The following HABP2 variants were observed in gnomAD, a reference collection of about 807,000 sequenced individuals.
The protein encoded by HABP2 is factor VII-activating protease.
HABP2 carries 65 observed loss-of-function variants against 66.5 expected under a neutral mutation model. That is an observed-to-expected ratio of 0.98 (90% confidence interval 0.80 to 1.20). HABP2 has a LOEUF of 1.20. HABP2 is among the 50% of genes most tolerant of loss of function. HABP2 has a pLI of 0.00. For missense variants in HABP2, 786 were observed against 691.0 expected (o/e 1.14, Z -1.54); for synonymous variants, 263 against 253.9 (o/e 1.04, Z -0.34).
At position 113,589,577 on chromosome 10, in the gene HABP2, G is replaced by A. The variant is rs1845821022; in HGVS notation, c.*1208G>A. 2 of 1,489,412 alleles carry A rather than the reference G, an allele frequency of 1.3e-6. No homozygotes were observed. Among genetic ancestry groups the A allele is most frequent in the African/African-American group, 2.8e-5 (2 of 71,480 alleles). The allele number at this position is 1,489,412 out of a possible 1,614,324, so 92.3% of individuals were successfully genotyped here. ...ACTTCTTTAGAGCTAGCTGACCTTT[G>A]GCCAAAAATAAACTTTGAAAAGAAA... On this transcript the variant is annotated 3_prime_UTR_variant, in exon 13 of 13. Coordinates refer to ENST00000351270, the MANE Select transcript of HABP2 (RefSeq NM_004132.5).
intron 7 of HABP2, 116 bp downstream of exon 7, chr10:113,578,914 T>C: frequency 2.8e-6 from 2 of 723,594 alleles, no homozygotes; most frequent in South Asian, 3.4e-5. Flanking sequence ...GGCAATGTTA[T>C]GCTGCTGTAG....
At chr10:113,575,398 T>C (rs1845390199) in intron 3 of HABP2, among the ~76,000 whole-genome samples, 1 of 152,228 alleles carries the variant, frequency 6.6e-6, no homozygotes, top group South Asian at 2.1e-4. Flanking sequence ...CCAATTCTTC[T>C]GTCACCCTCT....
intron 1 of HABP2, among the ~76,000 whole-genome samples, chr10:113,559,960 T>C (rs1405578381): frequency 3.3e-5 from 5 of 152,298 alleles, no homozygotes; most frequent in East Asian, 3.9e-4. Context: ...TGTGTCCATG[T>C]CCTTACACAA....
chr10:113,569,024 T>C (rs1384977083), intron 2 of HABP2, among the ~76,000 whole-genome samples: 1 of 152,176 alleles, frequency 6.6e-6, no homozygotes, highest in Non-Finnish European at 1.5e-5. Context: ...GATTTATAGC[T>C]TTAATCAAAC....
chr10:113,578,031 C>A lies in HABP2; in HGVS notation c.454C>A (p.Pro152Thr). The change falls in exon 6 of 13, where the codon CCT becomes ACT. Residue 152 changes from proline (P) to threonine (T), a missense_variant. Transcript: ENST00000351270. ...YTGPSCSQVV[P>T]VCRPNPCQNG... ...CCCCATTCCTGTGTTCACAGTGGTTCCTGTATGCAGGCCAAACCCCTGCCA... is the reference window on the plus strand; with the variant it reads ...CCCCATTCCTGTGTTCACAGTGGTTACTGTATGCAGGCCAAACCCCTGCCA... The A allele has an allele frequency of 6.2e-7, 1 of 1,614,080 alleles. No homozygotes were observed. Among genetic ancestry groups the A allele is most frequent in the Non-Finnish European group, 8.5e-7 (1 of 1,179,998 alleles).
chr10:113,559,286 C>G (rs1845057765), intron 1 of HABP2, among the ~76,000 whole-genome samples: 1 of 152,234 alleles, frequency 6.6e-6, no homozygotes, highest in Non-Finnish European at 1.5e-5. Flanking sequence ...TGCACCAAGT[C>G]CCTGGGATGA....
chr10:113,554,252 G>A (rs1844951239), intron 1 of HABP2, among the ~76,000 whole-genome samples: 1 of 152,210 alleles, frequency 6.6e-6, no homozygotes, highest in Non-Finnish European at 1.5e-5. Flanking sequence ...CCTTGTTCGG[G>A]AGGGGTGGTA....
Position 113,561,743 on chromosome 10 carries a change from C to T in HABP2, c.70-5746C>T, listed in dbSNP as rs1033803145. Among the ~76,000 whole-genome samples, 7 of 152,132 alleles carry T rather than the reference C, an allele frequency of 4.6e-5. 1 individual carries two copies. The highest frequency in any genetic ancestry group is 3.3e-4 in the Admixed American group (5 of 15,266). On this transcript the variant is annotated intron_variant, in intron 1 of 12. Transcript: ENST00000351270. Reference sequence around the variant, plus strand: ...TCCCTCTGAGAACATTTTCTACCAACGAATTTCTGGAACACATCAACTCAG... The same window carrying T: ...TCCCTCTGAGAACATTTTCTACCAATGAATTTCTGGAACACATCAACTCAG...
intron 11 of HABP2, 64 bp from the exon 12 acceptor site, chr10:113,585,729 T>C: frequency 8.0e-7 from 1 of 1,242,928 alleles, no homozygotes; most frequent in African/African-American, 1.5e-5. Flanking sequence ...ATCTGGTTTC[T>C]GGTGGGGTTG....
intron 1 of HABP2, among the ~76,000 whole-genome samples, chr10:113,561,551 A>AC (rs1422456899): frequency 1.3e-5 from 2 of 152,096 alleles, no homozygotes; most frequent in African/African-American, 4.8e-5. Context: ...CATGTGGCCT[A>AC]CCACCAGGCA....
At chr10:113,570,059 T>A (rs1463509605) in intron 2 of HABP2, 1 of 152,222 alleles carries the variant, frequency 6.6e-6, no homozygotes, top group African/African-American at 2.4e-5. Flanking sequence ...TCCCAATGCA[T>A]GCTACTTCCT....
chr10:113,582,086 C>G lies in HABP2; in HGVS notation c.1049C>G (p.Ala350Gly). Residue 350 changes from alanine (A) to glycine (G), a missense_variant, in exon 9 of 13, where the codon GCG becomes GGG. Transcript: ENST00000351270. ...SMPQGHFCGG[A>G]LIHPCWVLTA... ...CCCCAGGGCCACTTCTGTGGTGGGGCGCTGATCCACCCCTGCTGGGTGCTC... is the reference window on the plus strand; with the variant it reads ...CCCCAGGGCCACTTCTGTGGTGGGGGGCTGATCCACCCCTGCTGGGTGCTC... 6.2e-7 allele frequency: 1 copy of G among 1,611,988 alleles called. No homozygotes were observed. Among genetic ancestry groups the G allele is most frequent in the East Asian group, 2.2e-5 (1 of 44,870 alleles).
chr10:113,588,079 G>C, intron 12 of HABP2, 126 bp from the exon 13 acceptor site: 1 of 645,170 alleles, frequency 1.5e-6, no homozygotes, highest in Non-Finnish European at 2.6e-6. Context: ...CTGCTTTCCA[G>C]AGAAGCCCAC....
chr10:113,580,353 T>C (rs768217302), intron 7 of HABP2, among the ~76,000 whole-genome samples: 3 of 152,246 alleles, frequency 2.0e-5, no homozygotes, highest in Non-Finnish European at 4.4e-5. Flanking sequence ...CCTGTGGATC[T>C]GGCATGAGAC....
intron 1 of HABP2, among the ~76,000 whole-genome samples, chr10:113,565,128 G>A (rs1455634836): frequency 6.6e-6 from 1 of 152,236 alleles, no homozygotes; most frequent in Non-Finnish European, 1.5e-5. Flanking sequence ...ACAGGCGTGA[G>A]CCACCACGCC....
At chr10:113,561,274 C>T (rs1220483371) in intron 1 of HABP2, among the ~76,000 whole-genome samples, 1 of 152,126 alleles carries the variant, frequency 6.6e-6, no homozygotes, top group African/African-American at 2.4e-5. Flanking sequence ...GAAATGACAT[C>T]GCTTATCTTT....
chr10:113,571,679 C>T (rs1259422579), intron 2 of HABP2, among the ~76,000 whole-genome samples: 2 of 152,140 alleles, frequency 1.3e-5, no homozygotes, highest in African/African-American at 4.8e-5. Context: ...CACTGTGGAA[C>T]TTGAGGGCGC....
chr10:113,575,796 C>T (rs574168459), intron 3 of HABP2, 101 bp from the exon 4 acceptor site: 51 of 700,410 alleles, frequency 7.3e-5, no homozygotes, highest in Non-Finnish European at 1.2e-4. Flanking sequence ...TAGTTACTCT[C>T]TCATTTGGGG....
At position 113,574,419 on chromosome 10, in the gene HABP2, C is replaced by G; in HGVS notation, c.223+14C>G. On this transcript the variant is annotated intron_variant, in intron 3 of 12. Coordinates refer to ENST00000351270, the MANE Select transcript of HABP2 (RefSeq NM_004132.5). ...AGGACCAAGCTGGTAGGTACCAAAT[C>G]TCTTTCAGGGACTCTCCTGGGAGAA... 7.8e-7 allele frequency: 1 copy of G among 1,276,108 alleles called. No individual in the cohort carries two copies. Among genetic ancestry groups the G allele is most frequent in the Non-Finnish European group, 1.1e-6 (1 of 870,578 alleles). 79.0% of individuals were successfully genotyped at this position (1,276,108 alleles called of 1,614,324 possible). A position where few individuals can be genotyped will look rare whatever the true frequency, so the allele number is the denominator to read the frequency against.
Sources: allele counts gnomAD v4.1 joint callset (sites outside exome capture counted in the v4.1 genomes callset), GRCh38; gene constraint gnomAD v4.1.1; transcripts MANE v1.5; gene names NCBI Gene and HGNC (gene_info 2026-07-23, HGNC 2026-07-21).